Variants in CPA4 observed in about 807,000 individuals in gnomAD.
CPA4 encodes the protein carboxypeptidase A4, also known as carboxypeptidase A3.
Under a neutral mutation model 54.7 loss-of-function variants are expected in CPA4, and 49 were observed. The ratio of observed to expected loss-of-function variants is 0.90; its 90% CI spans 0.71 to 1.14. The LOEUF is 1.14. CPA4 is among the 50% of genes most tolerant of loss of function. The pLI is 0.00. For missense variants in CPA4, 487 were observed against 525.1 expected (o/e 0.93, Z 0.71); for synonymous variants, 215 against 206.8 (o/e 1.04, Z -0.34).
intron 10 of CPA4, among the ~76,000 whole-genome samples, chr7:130,314,401 T>C (rs1298507403): frequency 6.6e-6 from 1 of 152,246 alleles, no homozygotes; most frequent in Non-Finnish European, 1.5e-5. Context: ...AGCAGGATAA[T>C]CGCTGACCAG....
Position 130,300,933 on chromosome 7 carries a change from G to A in CPA4, c.384+19G>A, listed in dbSNP as rs765751408. The A allele has an allele frequency of 3.2e-6, 5 of 1,540,070 alleles. No homozygotes were observed. The highest frequency in any genetic ancestry group is 4.5e-6 in the Non-Finnish European group (5 of 1,112,878). On this transcript the variant is annotated intron_variant, in intron 4 of 10. Coordinates refer to ENST00000222482, the MANE Select transcript of CPA4 (RefSeq NM_016352.4). ...GGAAGCTGTAAGTGTTTCAGAGTGG[G>A]TTAAGATCAAGGTTCTCTGCCTCCT... is the stretch of plus-strand genomic sequence containing the variant.
At chr7:130,316,978 G>C (rs960617569) in intron 10 of CPA4, among the ~76,000 whole-genome samples, 43 of 151,890 alleles carry the variant, frequency 2.8e-4, no homozygotes, top group African/African-American at 9.9e-4. Flanking sequence ...TATGAAGAGA[G>C]ATAGAAGGTT....
intron 5 of CPA4, 50 bp from the exon 6 acceptor site, chr7:130,305,766 G>A (rs1464395427): frequency 7.7e-7 from 1 of 1,297,174 alleles, no homozygotes; most frequent in South Asian, 1.2e-5. Flanking sequence ...GGAGAAGTGA[G>A]CAGAGATGCG....
Position 130,308,325 on chromosome 7 carries a change from A to G in CPA4, c.721A>G (p.Thr241Ala). 6.2e-7 allele frequency: 1 copy of G among 1,614,128 alleles called. No individual in the cohort carries two copies. The highest frequency in any genetic ancestry group is 8.5e-7 in the Non-Finnish European group (1 of 1,180,016). Residue 241 changes from threonine to alanine, a missense_variant, in exon 8 of 11, where the codon ACG becomes GCG. Physicochemically the swap from Thr to Ala is moderately conservative, Grantham distance 58. Coordinates refer to ENST00000222482, the MANE Select transcript of CPA4 (RefSeq NM_016352.4). ...TTTTCAGAACCGATTATGGAGGAAG[A>G]CGCGGTCCCGAAATCCTGGAAGCTC... Reference protein sequence around the residue: ...TQTQNRLWRKTRSRNPGSSCI... With the variant: ...TQTQNRLWRKARSRNPGSSCI...
chr7:130,294,977 C>A (rs1793626358), intron 1 of CPA4, among the ~76,000 whole-genome samples: 1 of 152,162 alleles, frequency 6.6e-6, no homozygotes, highest in African/African-American at 2.4e-5. Context: ...ATCTGCCTCA[C>A]CTATCTCCCC....
intron 4 of CPA4, 123 bp from the exon 5 acceptor site, chr7:130,304,355 T>C (rs140367100): frequency 2.8e-5 from 21 of 747,478 alleles, no homozygotes; most frequent in African/African-American, 2.7e-4. Flanking sequence ...GCCGATAATA[T>C]GGTCAATTCC....
intron 10 of CPA4, among the ~76,000 whole-genome samples, chr7:130,313,450 C>T (rs1793942781): frequency 6.6e-6 from 1 of 152,184 alleles, no homozygotes; most frequent in African/African-American, 2.4e-5. Context: ...GCAGAGGCCC[C>T]CTTTTTCAGC....
chr7:130,322,849 C>A lies in CPA4; in HGVS notation c.*173C>A. 3.7e-6 allele frequency: 2 copies of A among 534,810 alleles called. No individual in the cohort carries two copies. The highest frequency in any genetic ancestry group is 3.2e-6 in the Non-Finnish European group (1 of 314,758). The allele number at this position is 534,810 out of a possible 1,614,324, so 33.1% of individuals were successfully genotyped here. A position where few individuals can be genotyped will look rare whatever the true frequency, so the allele number is the denominator to read the frequency against. On this transcript the variant is annotated 3_prime_UTR_variant, in exon 11 of 11. Transcript: ENST00000222482. ...GGAGTCGTGTGTCCTGGCAGTGTCCCTGCAAGAACTGGTTCTGCCAGCCTG... is the reference window on the plus strand; with the variant it reads ...GGAGTCGTGTGTCCTGGCAGTGTCCATGCAAGAACTGGTTCTGCCAGCCTG...
At chr7:130,321,804 A>G (rs1281434556) in intron 10 of CPA4, among the ~76,000 whole-genome samples, 2 of 152,184 alleles carry the variant, frequency 1.3e-5, no homozygotes, top group Non-Finnish European at 2.9e-5. Flanking sequence ...CCATGATTCA[A>G]TTATCTCCCA....
chr7:130,318,569 C>A (rs182086976), intron 10 of CPA4, among the ~76,000 whole-genome samples: 2 of 152,238 alleles, frequency 1.3e-5, no homozygotes, highest in African/African-American at 4.8e-5. Flanking sequence ...GTGCCCCACC[C>A]CCAGCTAATT....
At chr7:130,317,643 T>C (rs539032104) in intron 10 of CPA4, among the ~76,000 whole-genome samples, 1 of 152,252 alleles carries the variant, frequency 6.6e-6, no homozygotes, top group Admixed American at 6.5e-5. Context: ...TTTGTATTTT[T>C]TTTTGTAGAG....
In CPA4 at chr7:130,298,296, G is replaced by A. The variant is rs916889046; in HGVS notation, c.69-450G>A. On this transcript the variant is annotated intron_variant, in intron 1 of 10. Transcript: ENST00000222482. ...TCTTTATGTCTTGAGTTAGCTTTGC[G>A]TGTAACTCAGGCACATTCCTTCCTG... is the stretch of plus-strand genomic sequence containing the variant. 3.9e-5 allele frequency among the ~76,000 whole-genome samples: 6 copies of A among 152,172 alleles called. No individual in the cohort carries two copies. In the East Asian group the frequency reaches 7.7e-4, roughly 20 times the overall value.
At chr7:130,305,394 G>A (rs1446356092) in intron 5 of CPA4, among the ~76,000 whole-genome samples, 1 of 152,198 alleles carries the variant, frequency 6.6e-6, no homozygotes, top group Non-Finnish European at 1.5e-5. Context: ...TTTACAAAGA[G>A]CTATAGCGAG....
rs1267920311 is a variant in CPA4 at position 130,322,586 on chromosome 7, C to T, written c.1176C>T (p.Leu392=). 9.3e-6 allele frequency: 15 copies of T among 1,614,228 alleles called. No homozygotes were observed. The highest frequency in any genetic ancestry group is 3.3e-4 in the Middle Eastern group (2 of 6,062). The change falls in exon 11 of 11, where the codon CTC becomes CTT. Residue 392 remains leucine (L), a synonymous_variant. Transcript: ENST00000222482. ...ELRDTGTYGF[L]LPANQIIPTA... ...GAGATACCGGGACCTATGGCTTCCT[C>T]CTGCCAGCTAACCAGATCATCCCCA...
At chr7:130,320,904 T>C (rs902894339) in intron 10 of CPA4, among the ~76,000 whole-genome samples, 5 of 152,218 alleles carry the variant, frequency 3.3e-5, no homozygotes, top group Non-Finnish European at 5.9e-5. Context: ...CATTTTATTA[T>C]TTAATGTCAT....
In CPA4 at chr7:130,306,840, G is replaced by GGATATT; in HGVS notation, c.646_651dup (p.Asp216_Ile217dup). On this transcript the variant is annotated inframe_insertion, in exon 7 of 11. Transcript: ENST00000222482. ...CTATCACCTCCATCTTGGAGAAAAT[G>GGATATT]GATATTTTCTTGTTGCCTGTGGCCA... 1 of 1,612,360 alleles carries GGATATT rather than the reference G, an allele frequency of 6.2e-7. No homozygotes were observed.
At chr7:130,318,944 C>A (rs1004721004) in intron 10 of CPA4, among the ~76,000 whole-genome samples, 1 of 152,186 alleles carries the variant, frequency 6.6e-6, no homozygotes, top group African/African-American at 2.4e-5. Flanking sequence ...CACTCTTCTG[C>A]CTTCTAAAAC....
At chr7:130,305,531 C>T (rs1169976362) in intron 5 of CPA4, among the ~76,000 whole-genome samples, 1 of 152,216 alleles carries the variant, frequency 6.6e-6, no homozygotes, top group African/African-American at 2.4e-5. Context: ...ATAACATTAT[C>T]TCTAATGGCA....
intron 4 of CPA4, among the ~76,000 whole-genome samples, chr7:130,302,488 CA>C (rs35708499): frequency 0.16 from 12,988 of 79,424 alleles, 627 homozygotes; most frequent in African/African-American, 0.23. Flanking sequence ...GACTCTGTCT[CA>C]AAAAAAAAAA....
Sources: gnomAD v4.1 joint callset for allele counts (sites outside exome capture counted in the v4.1 genomes callset) on GRCh38, gnomAD v4.1.1 for gene constraint, MANE v1.5 for transcripts, NCBI Gene and HGNC (gene_info 2026-07-23, HGNC 2026-07-21) for gene names.